Variants in SRBD1 observed in about 807,000 individuals in gnomAD.
The protein encoded by SRBD1 is S1 RNA-binding domain-containing protein 1.
A neutral mutation model predicts 115.3 loss-of-function variants in SRBD1; 88 were observed. The observed-to-expected ratio is 0.76, with a 90% confidence interval of 0.64 to 0.91. The LOEUF is 0.91. Among genes scored for constraint, SRBD1 ranks in the 40% least tolerant of loss-of-function variants. The pLI is 0.00. For missense variants in SRBD1, 1,385 were observed against 1,177.4 expected, an observed-to-expected ratio of 1.18 and a Z score of -2.58; for synonymous variants, 509 against 407.7, an observed-to-expected ratio of 1.25 and a Z score of -2.99.
intron 14 of SRBD1, among the ~76,000 whole-genome samples, chr2:45,521,286 A>AACACACAAACAC (rs1553345478): frequency 1.4e-5 from 2 of 146,330 alleles, no homozygotes; most frequent in African/African-American, 2.5e-5. Flanking sequence ...CAAAAAGGAA[A>AACACACAAACAC]ACACACACAC....
chr2:45,515,900 G>T (rs1671103549), intron 14 of SRBD1, among the ~76,000 whole-genome samples: 1 of 152,070 alleles, frequency 6.6e-6, no homozygotes, highest in African/African-American at 2.4e-5. Flanking sequence ...TAATCACTGG[G>T]CATGGTGGCT....
rs1323836689 is a variant in SRBD1, at chr2:45,388,682, A to G, written c.*628T>C. ...GAATCAACATAGCAAAAAACAAGTC[A>G]CTAGCCACAAACATTTATTGTTGGG... is the stretch of plus-strand genomic sequence containing the variant. On this transcript the variant is annotated 3_prime_UTR_variant, in exon 21 of 21. Transcript: ENST00000263736. The G allele has an allele frequency of 6.6e-6, 1 of 152,264 alleles. No homozygotes were observed. The highest frequency in any genetic ancestry group is 1.5e-5 in the Non-Finnish European group (1 of 68,066). 9.4% of individuals were successfully genotyped at this position (152,264 alleles called of 1,614,324 possible).
At chr2:45,586,700 C>T (rs1477087252) in intron 4 of SRBD1, among the ~76,000 whole-genome samples, 2 of 151,250 alleles carry the variant, frequency 1.3e-5, no homozygotes, top group Non-Finnish European at 1.5e-5. Flanking sequence ...CACGCCATCA[C>T]ACCTGGCTAA....
chr2:45,477,131 T>C (rs1669827811), intron 15 of SRBD1, 56 bp from the exon 16 acceptor site: 1 of 1,409,892 alleles, frequency 7.1e-7, no homozygotes, highest in Admixed American at 1.7e-5. Flanking sequence ...CAGTACCTAA[T>C]AATTACTTAC....
Position 45,546,785 on chromosome 2 carries a change from G to A in SRBD1, c.1821C>T (p.Tyr607=), listed in dbSNP as rs1672133920. 1.2e-6 allele frequency: 2 copies of A among 1,614,148 alleles called. No homozygotes were observed. Among genetic ancestry groups the A allele is most frequent in the South Asian group, 1.1e-5 (1 of 91,086 alleles). The change falls in exon 14 of 21, where the codon TAC becomes TAT. Residue 607 remains tyrosine (Y), a synonymous_variant. Transcript: ENST00000263736. The part of the protein sequence containing the change: ...NGTACRETEA[Y]FADLIMKNYF... ...AATTCTTCATTATCAGGTCAGCAAA[G>A]TAAGCTTCTGTTTCCCTGCAGGCAG... is the stretch of plus-strand genomic sequence containing the variant.
intron 14 of SRBD1, among the ~76,000 whole-genome samples, chr2:45,515,328 T>C (rs538298988): frequency 2.6e-5 from 4 of 152,284 alleles, no homozygotes; most frequent in Admixed American, 2.6e-4. Context: ...GGTTGGGTAA[T>C]TTGTTAAAGG....
In SRBD1 at chr2:45,458,559, G is replaced by C. The variant is rs73925670; in HGVS notation, c.2049+18434C>G. The stretch of plus-strand genomic sequence containing the variant: ...CCTTTCACACTTGGCTTCAAAATTA[G>C]AACAGTGTTTTAAGAAAAAAGACAA... On this transcript the variant is annotated intron_variant, in intron 16 of 20. Transcript: ENST00000263736. 1.4e-3 allele frequency among the ~76,000 whole-genome samples: 206 copies of C among 152,172 alleles called. 1 individual carries two copies. The highest frequency in any genetic ancestry group is 4.5e-3 in the African/African-American group (188 of 41,530).
chr2:45,530,885 G>A (rs533205743), intron 14 of SRBD1, among the ~76,000 whole-genome samples: 1 of 151,996 alleles, frequency 6.6e-6, no homozygotes, highest in African/African-American at 2.4e-5. Context: ...ACAAAAGGCT[G>A]AGCCTAAGAG....
intron 15 of SRBD1, among the ~76,000 whole-genome samples, chr2:45,478,543 C>G (rs1356621171): frequency 6.6e-6 from 1 of 152,126 alleles, no homozygotes; most frequent in Non-Finnish European, 1.5e-5. Context: ...TTCACATAAA[C>G]CTTTATTATT....
chr2:45,546,351 G>C, intron 14 of SRBD1: 1 of 985,352 alleles, frequency 1.0e-6, no homozygotes, highest in Non-Finnish European at 1.2e-6. Flanking sequence ...ATGATTCATA[G>C]GCTTCAAAGC....
intron 16 of SRBD1, among the ~76,000 whole-genome samples, chr2:45,459,716 C>T (rs1261351223): frequency 6.6e-6 from 1 of 152,064 alleles, no homozygotes; most frequent in Admixed American, 6.6e-5. Context: ...CTTCAGAAAA[C>T]ATATCGGTAT....
chr2:45,389,530 G>C lies in SRBD1; in HGVS notation c.2768C>G (p.Thr923Arg), dbSNP rs769001326. 5.0e-6 allele frequency: 8 copies of C among 1,613,944 alleles called. No individual in the cohort carries two copies. In the East Asian group the frequency reaches 1.8e-4, roughly 36 times the overall value. ...LEDLQIGTVL[T>R]GKVENATLFG... ...GAGAGTGGCATTCTCAACTTTGCCT[G>C]TAAGAACTGTCCCAATCTGCAGATC... The change falls in exon 21 of 21, where the codon ACA becomes AGA. Residue 923 changes from threonine to arginine, a missense_variant. Thr to Arg is a moderately conservative substitution (Grantham distance 71, BLOSUM62 -1). Transcript: ENST00000263736.
chr2:45,480,614 G>T (rs1669932659), intron 15 of SRBD1, among the ~76,000 whole-genome samples: 2 of 152,152 alleles, frequency 1.3e-5, no homozygotes, highest in Admixed American at 6.5e-5. Context: ...AGCAAATAAA[G>T]TGTTTTCTTG....
intron 9 of SRBD1, among the ~76,000 whole-genome samples, chr2:45,568,619 G>A (rs959822629): frequency 1.3e-5 from 2 of 152,082 alleles, no homozygotes; most frequent in African/African-American, 4.8e-5. Flanking sequence ...CTTAAATTCA[G>A]TCACTAACTC....
intron 4 of SRBD1, among the ~76,000 whole-genome samples, chr2:45,593,580 C>G (rs149395575): frequency 6.6e-6 from 1 of 152,190 alleles, no homozygotes; most frequent in South Asian, 2.1e-4. Flanking sequence ...AAGAAAACAT[C>G]TTGGCATCAA....
Position 45,419,662 on chromosome 2 carries a change from G to A in SRBD1, c.2156+126C>T, listed in dbSNP as rs564181735. ...TTCCCCTCTGATTACTTAAAGCAAT[G>A]TATAAACCCATAGACGTTCTCTACT... On this transcript the variant is annotated intron_variant, in intron 17 of 20. Transcript: ENST00000263736. The A allele has an allele frequency of 8.3e-6, 6 of 721,590 alleles. No individual in the cohort carries two copies. The African/African-American group carries it at 8.8e-5, about 11-fold the overall frequency. The allele number at this position is 721,590 out of a possible 1,614,324, so 44.7% of individuals were successfully genotyped here.
intron 5 of SRBD1, among the ~76,000 whole-genome samples, chr2:45,582,276 G>A (rs1350456327): frequency 1.3e-5 from 2 of 152,132 alleles, no homozygotes; most frequent in African/African-American, 4.8e-5. Context: ...CCTGCAGCTT[G>A]GGTTTCTCTG....
intron 15 of SRBD1, among the ~76,000 whole-genome samples, chr2:45,482,060 T>G (rs569502782): frequency 1.6e-4 from 25 of 152,266 alleles, no homozygotes; most frequent in African/African-American, 5.8e-4. Context: ...CAACTCTGAC[T>G]ATACTAGAAA....
chr2:45,458,942 T>G (rs1312916024), intron 16 of SRBD1, among the ~76,000 whole-genome samples: 1 of 151,644 alleles, frequency 6.6e-6, no homozygotes, highest in African/African-American at 2.4e-5. Context: ...TACTAAAGAG[T>G]TGGTAATTAC....
Sources: allele counts gnomAD v4.1 joint callset (sites outside exome capture counted in the v4.1 genomes callset), GRCh38; gene constraint gnomAD v4.1.1; transcripts MANE v1.5; gene names NCBI Gene and HGNC (gene_info 2026-07-23, HGNC 2026-07-21).